TOP1: variants seen among roughly 807,000 people sequenced by gnomAD.
TOP1 encodes the protein DNA topoisomerase I.
TOP1 carries 10 observed loss-of-function variants against 111.1 expected under a neutral mutation model. The ratio of observed to expected loss-of-function variants is 0.09; its 90% CI spans 0.06 to 0.15. The LOEUF (loss-of-function observed/expected upper bound fraction) is 0.15, where lower values mean the gene tolerates loss of function less well. Among genes scored for constraint, TOP1 ranks in the 10% least tolerant of loss-of-function variants. The probability of loss-of-function intolerance (pLI) is 1.00; values close to 1 mark genes in which losing one functional copy is unlikely to be tolerated. For synonymous variants in TOP1, 271 were observed against 302.9 expected, an observed-to-expected ratio of 0.89 and a Z score of 1.10; for missense variants, 474 against 926.7, an observed-to-expected ratio of 0.51 and a Z score of 6.34.
rs183191678 is a variant in TOP1, at chr20:41,087,464, G to A, written c.614+2896G>A. On this transcript the variant is annotated intron_variant, in intron 8 of 20. Transcript: ENST00000361337. ...CCTGGCGAGTTTATTGCAGGTGTTA[G>A]GTGTGACTTTAAATGGAGTTTTCAA... Among the ~76,000 whole-genome samples, 1,371 of 152,326 alleles carry A rather than the reference G, an allele frequency of 9.0e-3. 18 individuals carry two copies. The highest frequency in any genetic ancestry group is 0.018 in the Admixed American group (281 of 15,300).
Position 41,116,559 on chromosome 20 carries a change from T to C in TOP1, c.1822+167T>C, listed in dbSNP as rs569654049. On this transcript the variant is annotated intron_variant, in intron 17 of 20. Transcript: ENST00000361337. This position sits in a 1 kb window ranked among gnomAD's most constrained non-coding sequence, Gnocchi z 5.6. ...GAGATAATGCTTTGTTGTATAAACA[T>C]AGGATCAATGCTGTTTCCCCCTTCC... Among the ~76,000 whole-genome samples, 3 of 152,244 alleles carry C rather than the reference T, an allele frequency of 2.0e-5. No homozygotes were observed. Among genetic ancestry groups the C allele is most frequent in the Admixed American group, 1.3e-4 (2 of 15,286 alleles).
intron 3 of TOP1, among the ~76,000 whole-genome samples, chr20:41,065,896 A>G (rs375056960): frequency 6.6e-6 from 1 of 152,146 alleles, no homozygotes. Context: ...TAGGAGTAGA[A>G]TTGCTAGATC....
intron 8 of TOP1, among the ~76,000 whole-genome samples, chr20:41,091,280 C>A (rs1218191950): frequency 6.6e-6 from 1 of 152,038 alleles, no homozygotes; most frequent in Non-Finnish European, 1.5e-5. Context: ...GTAAAAGAAA[C>A]TTGAGGCATA....
rs1442985088 is a variant in TOP1, at chr20:41,121,931, A to C, written c.2046-75A>C. 1.9e-6 allele frequency: 3 copies of C among 1,578,946 alleles called. No homozygotes were observed. Among genetic ancestry groups the C allele is most frequent in the African/African-American group, 2.7e-5 (2 of 73,106 alleles). ...CTATACTAGGGCTTTTATTGACTCA[A>C]AGTGGCAGGATGGGTACAGTGTGCT... On this transcript the variant is annotated intron_variant, in intron 19 of 20. Transcript: ENST00000361337. This position sits in a 1 kb window ranked among gnomAD's most constrained non-coding sequence, Gnocchi z 4.2.
At position 41,115,844 on chromosome 20, in the gene TOP1, A is replaced by T. The variant is rs998812328; in HGVS notation, c.1707+405A>T. On this transcript the variant is annotated intron_variant, in intron 16 of 20. Transcript: ENST00000361337. The surrounding 1 kb of genome is among the most constrained non-coding windows in gnomAD (Gnocchi z 6.3). ...CCAGGCTTGGTGGCTTACGCCTGTTATCCCAGCACTTTGAGAGGTCAAGTA... is the reference window on the plus strand; with the variant it reads ...CCAGGCTTGGTGGCTTACGCCTGTTTTCCCAGCACTTTGAGAGGTCAAGTA... 6.6e-5 allele frequency among the ~76,000 whole-genome samples: 10 copies of T among 152,152 alleles called. No individual in the cohort carries two copies. The highest frequency in any genetic ancestry group is 4.1e-4 in the South Asian group (2 of 4,828).
chr20:41,113,232 C>T (rs1457782879), intron 14 of TOP1, among the ~76,000 whole-genome samples: 1 of 152,160 alleles, frequency 6.6e-6, no homozygotes, highest in Non-Finnish European at 1.5e-5. Flanking sequence ...AGATCAATTT[C>T]TTGGTACTCA....
At position 41,100,382 on chromosome 20, in the gene TOP1, C is replaced by A; in HGVS notation, c.1163+139C>A. On this transcript the variant is annotated intron_variant, in intron 12 of 20. Transcript: ENST00000361337. This position sits in a 1 kb window ranked among gnomAD's most constrained non-coding sequence, Gnocchi z 4.4. Reference sequence around the variant, plus strand: ...GCAGGACAGTATTTCATGCGTAGGTCTCCAGATGTTTTTGAGGTACAGTTG... The same window carrying A: ...GCAGGACAGTATTTCATGCGTAGGTATCCAGATGTTTTTGAGGTACAGTTG... The A allele has an allele frequency of 1.6e-6, 1 of 632,486 alleles. No individual in the cohort carries two copies. Among genetic ancestry groups the A allele is most frequent in the Non-Finnish European group, 2.6e-6 (1 of 389,196 alleles). 39.2% of individuals were successfully genotyped at this position (632,486 alleles called of 1,614,324 possible). A position where few individuals can be genotyped will look rare whatever the true frequency, so the allele number is the denominator to read the frequency against.
At position 41,083,246 on chromosome 20, in the gene TOP1, T is replaced by TC. The variant is rs1344106659; in HGVS notation, c.508-1216_508-1215insC. ...TGAAAAACATTTCCCTTTCCTGTGGTGTGTTTCACCCTAAATAGTAAACAT... is the reference window on the plus strand; with the variant it reads ...TGAAAAACATTTCCCTTTCCTGTGGTCGTGTTTCACCCTAAATAGTAAACAT... On this transcript the variant is annotated intron_variant, in intron 7 of 20. Transcript: ENST00000361337. This position sits in a 1 kb window ranked among gnomAD's most constrained non-coding sequence, Gnocchi z 7.2. 6.6e-6 allele frequency among the ~76,000 whole-genome samples: 1 copy of TC among 152,170 alleles called. No individual in the cohort carries two copies. Among genetic ancestry groups the TC allele is most frequent in the Non-Finnish European group, 1.5e-5 (1 of 68,016 alleles).
intron 2 of TOP1, among the ~76,000 whole-genome samples, chr20:41,045,453 A>G (rs1200888056): frequency 6.6e-6 from 1 of 152,218 alleles, no homozygotes; most frequent in Non-Finnish European, 1.5e-5. Flanking sequence ...AAGTTCAGGC[A>G]GTTGTACGTT....
rs751401197 is a variant in TOP1, at chr20:41,115,360, A to G, written c.1639-11A>G. Reference sequence around the variant, plus strand: ...CAAGAGTAATAATTAGGATTCACTTATATCTTTTAGGTTTTTAAGAACCTA... The same window carrying G: ...CAAGAGTAATAATTAGGATTCACTTGTATCTTTTAGGTTTTTAAGAACCTA... On this transcript the variant is annotated splice_polypyrimidine_tract_variant and intron_variant, in intron 15 of 20. Coordinates refer to ENST00000361337, the MANE Select transcript of TOP1 (RefSeq NM_003286.4). This position sits in a 1 kb window ranked among gnomAD's most constrained non-coding sequence, Gnocchi z 6.3. The G allele has an allele frequency of 2.9e-5, 46 of 1,595,276 alleles. No homozygotes were observed. The South Asian group carries it at 4.7e-4, about 16-fold the overall frequency.
chr20:41,028,942 GTCACC>G lies in TOP1; in HGVS notation c.-125_-121del. The G allele has an allele frequency of 1.3e-6, 1 of 769,696 alleles. No homozygotes were observed. Among genetic ancestry groups the G allele is most frequent in the Non-Finnish European group, 2.1e-6 (1 of 475,680 alleles). 47.7% of individuals were successfully genotyped at this position (769,696 alleles called of 1,614,324 possible). ...CCGTTTCTGGAGTCTCGGGCCCACA[GTCACC>G]GCCGCTTACCTGCGCCTCCTCGAGC... On this transcript the variant is annotated 5_prime_UTR_variant, in exon 1 of 21. Coordinates refer to ENST00000361337, the MANE Select transcript of TOP1 (RefSeq NM_003286.4).
intron 2 of TOP1, among the ~76,000 whole-genome samples, chr20:41,035,680 C>G (rs2033176442): frequency 6.6e-6 from 1 of 152,166 alleles, no homozygotes; most frequent in Non-Finnish European, 1.5e-5. Context: ...ATGCCTAGGA[C>G]TTTTCTTGGC....
At position 41,061,991 on chromosome 20, in the gene TOP1, C is replaced by T. The variant is rs895566808; in HGVS notation, c.155+501C>T. Among the ~76,000 whole-genome samples, 2 of 152,166 alleles carry T rather than the reference C, an allele frequency of 1.3e-5. No homozygotes were observed. Among genetic ancestry groups the T allele is most frequent in the East Asian group, 1.9e-4 (1 of 5,198 alleles). Reference sequence around the variant, plus strand: ...CTATTTGTAGCTTTCATCATGTTATCAGAGGAGTTCGGCTCCCACAAAAGC... The same window carrying T: ...CTATTTGTAGCTTTCATCATGTTATTAGAGGAGTTCGGCTCCCACAAAAGC... On this transcript the variant is annotated intron_variant, in intron 3 of 20. Coordinates refer to ENST00000361337, the MANE Select transcript of TOP1 (RefSeq NM_003286.4). The surrounding 1 kb of genome is among the most constrained non-coding windows in gnomAD (Gnocchi z 4.6).
rs1345639334 is a variant in TOP1 at position 41,097,983 on chromosome 20, T to A, written c.853-232T>A. Among the ~76,000 whole-genome samples, 1 of 152,216 alleles carries A rather than the reference T, an allele frequency of 6.6e-6. No individual in the cohort carries two copies. Among genetic ancestry groups the A allele is most frequent in the Non-Finnish European group, 1.5e-5 (1 of 68,042 alleles). ...CTAAGAAACCACATAAGAATTCATT[T>A]TTTTCCATGATAAGTCATTTTAAAA... On this transcript the variant is annotated intron_variant, in intron 10 of 20. Transcript: ENST00000361337. This position sits in a 1 kb window ranked among gnomAD's most constrained non-coding sequence, Gnocchi z 4.2.
chr20:41,092,668 C>A lies in TOP1; in HGVS notation c.730+81C>A. 1 of 704,848 alleles carries A rather than the reference C, an allele frequency of 1.4e-6. No homozygotes were observed. Among genetic ancestry groups the A allele is most frequent in the South Asian group, 2.0e-5 (1 of 51,106 alleles). The allele number at this position is 704,848 out of a possible 1,614,324, so 43.7% of individuals were successfully genotyped here. On this transcript the variant is annotated intron_variant, in intron 9 of 20. Transcript: ENST00000361337. The surrounding 1 kb of genome is among the most constrained non-coding windows in gnomAD (Gnocchi z 4.3). Reference sequence around the variant, plus strand: ...TAGGGATAGAAAACAAGGAAGGATCCTATGTAATAGATAATCCTTTTTATT... The same window carrying A: ...TAGGGATAGAAAACAAGGAAGGATCATATGTAATAGATAATCCTTTTTATT...
intron 2 of TOP1, among the ~76,000 whole-genome samples, chr20:41,035,050 G>C (rs1047204239): frequency 6.6e-6 from 1 of 151,792 alleles, no homozygotes; most frequent in African/African-American, 2.4e-5. Context: ...TCACCACGCC[G>C]GGCTAATTTT....
At chr20:41,050,843 A>G (rs1239792002) in intron 2 of TOP1, among the ~76,000 whole-genome samples, 2 of 152,200 alleles carry the variant, frequency 1.3e-5, no homozygotes, top group African/African-American at 2.4e-5. Flanking sequence ...GACAGAAGCC[A>G]TCTTCTTTTA....
rs1373305077 is a variant in TOP1 at position 41,112,740 on chromosome 20, A to G, written c.1309-42A>G. On this transcript the variant is annotated intron_variant, in intron 13 of 20. Coordinates refer to ENST00000361337, the MANE Select transcript of TOP1 (RefSeq NM_003286.4). This position sits in a 1 kb window ranked among gnomAD's most constrained non-coding sequence, Gnocchi z 5.8. ...TATATTCAAAGTCTGTCTTTACTAC[A>G]CTGTCCCAAAGTAATCTACATTTGG... The G allele has an allele frequency of 8.7e-6, 14 of 1,608,800 alleles. No homozygotes were observed. The highest frequency in any genetic ancestry group is 3.4e-5 in the Admixed American group (2 of 59,554).
Position 41,029,129 on chromosome 20 carries a change from C to T in TOP1, c.33+29C>T, listed in dbSNP as rs1364519164. On this transcript the variant is annotated intron_variant, in intron 1 of 20. Transcript: ENST00000361337. The surrounding 1 kb of genome is among the most constrained non-coding windows in gnomAD (Gnocchi z 6.1). ...CGGCCCGGCCTGACCCTGGCGGCCC[C>T]GGACCCCGGCCTGGCCGTCCCGCGA... 7 of 1,468,750 alleles carry T rather than the reference C, an allele frequency of 4.8e-6. No individual in the cohort carries two copies. Among genetic ancestry groups the T allele is most frequent in the Non-Finnish European group, 5.4e-6 (6 of 1,110,306 alleles). 91.0% of individuals were successfully genotyped at this position (1,468,750 alleles called of 1,614,324 possible).
Sources: allele counts gnomAD v4.1 joint callset (sites outside exome capture counted in the v4.1 genomes callset), GRCh38; gene constraint gnomAD v4.1.1; non-coding constraint Gnocchi (gnomAD v3.1); transcripts MANE v1.5; gene names NCBI Gene and HGNC (gene_info 2026-07-23, HGNC 2026-07-21).